CARF: variants seen among roughly 807,000 people sequenced by gnomAD.
CARF encodes the protein calcium responsive transcription factor, also known as calcium-responsive transcription factor.
CARF carries 57 observed loss-of-function variants against 82.0 expected under a neutral mutation model. The ratio of observed to expected loss-of-function variants is 0.70; its 90% CI spans 0.56 to 0.87. CARF has a LOEUF of 0.87. Among genes scored for constraint, CARF ranks in the 40% least tolerant of loss-of-function variants. The pLI is 0.00. For synonymous variants in CARF, 268 were observed against 290.1 expected, an observed-to-expected ratio of 0.92 and a Z score of 0.77; for missense variants, 771 against 855.8, an observed-to-expected ratio of 0.90 and a Z score of 1.24.
intron 6 of CARF, 137 bp downstream of exon 6, chr2:202,952,816 C>A: frequency 1.2e-6 from 1 of 837,274 alleles, no homozygotes; most frequent in Non-Finnish European, 1.7e-6. Flanking sequence ...TAGAAAACAG[C>A]TCTTTGCCCA....
At chr2:202,964,926 A>G (rs2059487729) in intron 9 of CARF, among the ~76,000 whole-genome samples, 1 of 149,422 alleles carries the variant, frequency 6.7e-6, no homozygotes, top group Non-Finnish European at 1.5e-5. Flanking sequence ...CATATATGAG[A>G]ATCCTGTGAT....
intron 5 of CARF, among the ~76,000 whole-genome samples, chr2:202,948,768 A>C (rs2058620756): frequency 6.6e-6 from 1 of 152,046 alleles, no homozygotes; most frequent in Non-Finnish European, 1.5e-5. Flanking sequence ...GGGTTTTCTA[A>C]ATGTAGGATC....
At chr2:202,932,709 A>G (rs2105764627) in intron 3 of CARF, among the ~76,000 whole-genome samples, 1 of 152,236 alleles carries the variant, frequency 6.6e-6, no homozygotes, top group African/African-American at 2.4e-5. Flanking sequence ...ACTGTTGTTT[A>G]GGCCCTGGGG....
chr2:202,970,581 A>G (rs1440057233), intron 11 of CARF, among the ~76,000 whole-genome samples: 1 of 152,122 alleles, frequency 6.6e-6, no homozygotes, highest in Non-Finnish European at 1.5e-5. Context: ...AGTCTGGGTG[A>G]ATAATTTGTT....
chr2:202,951,783 A>G (rs2058763550), intron 5 of CARF, among the ~76,000 whole-genome samples: 3 of 152,018 alleles, frequency 2.0e-5, no homozygotes, highest in Admixed American at 2.0e-4. Flanking sequence ...GACTATATAT[A>G]AATGCTGAGA....
chr2:202,916,875 C>A (rs969839694), intron 1 of CARF, among the ~76,000 whole-genome samples: 3 of 152,120 alleles, frequency 2.0e-5, no homozygotes, highest in Admixed American at 1.3e-4. Flanking sequence ...GCCATACATT[C>A]ACTGTCTAAA....
intron 13 of CARF, among the ~76,000 whole-genome samples, chr2:202,976,336 G>A (rs946614052): frequency 2.0e-5 from 3 of 152,036 alleles, no homozygotes; most frequent in Non-Finnish European, 2.9e-5. Flanking sequence ...CACCATGCCC[G>A]GCTAATTTTT....
At chr2:202,946,126 A>G (rs143868209) in intron 5 of CARF, among the ~76,000 whole-genome samples, 53 of 151,936 alleles carry the variant, frequency 3.5e-4, no homozygotes, top group African/African-American at 1.3e-3. Context: ...TGAAAAGTTT[A>G]TGTTGAAACT....
At chr2:202,926,333 A>G (rs1691816966) in intron 3 of CARF, among the ~76,000 whole-genome samples, 1 of 152,208 alleles carries the variant, frequency 6.6e-6, no homozygotes, top group African/African-American at 2.4e-5. Context: ...CAAAATTTTA[A>G]AAACAGACAA....
At chr2:202,953,360 CT>C (rs947873387) in intron 6 of CARF, among the ~76,000 whole-genome samples, 128 of 145,856 alleles carry the variant, frequency 8.8e-4, no homozygotes, top group African/African-American at 1.3e-3. Flanking sequence ...TGACTCATTA[CT>C]TTTTTTTTTT....
intron 5 of CARF, among the ~76,000 whole-genome samples, chr2:202,944,938 T>C (rs942865608): frequency 3.3e-5 from 5 of 152,158 alleles, no homozygotes; most frequent in African/African-American, 1.2e-4. Context: ...AAACTTTCTA[T>C]ACAAAGTAAG....
intron 9 of CARF, chr2:202,963,315 CAAAAAA>C: frequency 8.0e-6 from 1 of 124,892 alleles, no homozygotes; most frequent in Non-Finnish European, 1.7e-5. Flanking sequence ...GACTCCGTCT[CAAAAAA>C]AAAAAAAAAA....
At chr2:202,934,778 C>T (rs1230983194) in intron 3 of CARF, among the ~76,000 whole-genome samples, 1 of 151,574 alleles carries the variant, frequency 6.6e-6, no homozygotes, top group Non-Finnish European at 1.5e-5. Context: ...AGGGAAATTT[C>T]AAAAATATAC....
At chr2:202,932,911 A>G (rs1454556425) in intron 3 of CARF, among the ~76,000 whole-genome samples, 2 of 151,936 alleles carry the variant, frequency 1.3e-5, no homozygotes, top group African/African-American at 2.4e-5. Flanking sequence ...CAGCCCTGGG[A>G]TGGGCAGCTG....
chr2:202,966,879 T>C, intron 9 of CARF, 99 bp from the exon 10 acceptor site: 1 of 1,109,848 alleles, frequency 9.0e-7, no homozygotes, highest in East Asian at 2.4e-5. Flanking sequence ...GCTGTATATT[T>C]GAAAGATTTT....
chr2:202,985,768 A>T lies in CARF; in HGVS notation c.*2144A>T, dbSNP rs1194892902. ...CGTCTCAATAGTGGTAATAGTGGTA[A>T]TGGTTTATTATTAGCTGTTTCACCA... On this transcript the variant is annotated 3_prime_UTR_variant, in exon 17 of 17. Transcript: ENST00000438828. 6.6e-6 allele frequency: 1 copy of T among 152,116 alleles called. No individual in the cohort carries two copies. Among genetic ancestry groups the T allele is most frequent in the Non-Finnish European group, 1.5e-5 (1 of 67,994 alleles). The allele number at this position is 152,116 out of a possible 1,614,324, so 9.4% of individuals were successfully genotyped here.
At chr2:202,973,008 C>T (rs1280675057) in intron 12 of CARF, among the ~76,000 whole-genome samples, 2 of 152,044 alleles carry the variant, frequency 1.3e-5, no homozygotes, top group Non-Finnish European at 2.9e-5. Flanking sequence ...AAGTCCTGGC[C>T]TCAAGTGATG....
At chr2:202,965,472 T>C (rs1201867215) in intron 9 of CARF, among the ~76,000 whole-genome samples, 1 of 152,204 alleles carries the variant, frequency 6.6e-6, no homozygotes, top group Non-Finnish European at 1.5e-5. Flanking sequence ...GAACATCTTT[T>C]TCTTTGTTCA....
chr2:202,923,490 G>A (rs1189658191), intron 2 of CARF, among the ~76,000 whole-genome samples: 2 of 152,148 alleles, frequency 1.3e-5, no homozygotes, highest in African/African-American at 4.8e-5. Flanking sequence ...TATACAAATG[G>A]AAACATATCC....
Sources: allele counts gnomAD v4.1 joint callset (sites outside exome capture counted in the v4.1 genomes callset), GRCh38; gene constraint gnomAD v4.1.1; transcripts MANE v1.5; gene names NCBI Gene and HGNC (gene_info 2026-07-23, HGNC 2026-07-21).